ATXN10: variants seen among roughly 807,000 people sequenced by gnomAD.
The protein encoded by ATXN10 is ataxin-10.
In ATXN10, 28 loss-of-function variants were observed where a neutral mutation model predicts 52.9. That is an observed-to-expected ratio of 0.53 (90% CI 0.39 to 0.73). ATXN10 has a LOEUF of 0.73. Among genes scored for constraint, ATXN10 ranks in the 30% least tolerant of loss-of-function variants. ATXN10 has a pLI of 0.00. For missense variants in ATXN10, 565 were observed against 577.0 expected (o/e 0.98, Z 0.21); for synonymous variants, 226 against 221.5 (o/e 1.02, Z -0.18).
chr22:45,687,705 T>A (rs1429401916), intron 1 of ATXN10, among the ~76,000 whole-genome samples: 1 of 152,208 alleles, frequency 6.6e-6, no homozygotes, highest in African/African-American at 2.4e-5. Flanking sequence ...AAACTCCTGG[T>A]TATTTTCTTA....
rs191576467 is a variant in ATXN10, at chr22:45,778,225, C to A, written c.1174-28734C>A. On this transcript the variant is annotated intron_variant, in intron 9 of 11. Transcript: ENST00000252934. The stretch of plus-strand genomic sequence containing the variant: ...GTATGACATTGATCATGTTCTGTAA[C>A]CTCTTTGTACCTTAATTTTTCCCCT... Among the ~76,000 whole-genome samples the A allele has an allele frequency of 4.6e-5, 7 of 152,318 alleles. 1 individual carries two copies. In the East Asian group the frequency reaches 1.4e-3, roughly 29 times the overall value.
chr22:45,720,961 A>C (rs977431838), intron 6 of ATXN10, among the ~76,000 whole-genome samples: 2 of 152,222 alleles, frequency 1.3e-5, no homozygotes, highest in Non-Finnish European at 1.5e-5. Context: ...TGAGCATTAC[A>C]GAGACACAGT....
intron 10 of ATXN10, chr22:45,811,553 G>A (rs911204667): frequency 2.6e-5 from 9 of 347,654 alleles, no homozygotes; most frequent in Non-Finnish European, 5.1e-5. Context: ...ATTAAGTACA[G>A]TTACATGCTA....
chr22:45,794,555 T>C (rs1927641310), intron 9 of ATXN10, among the ~76,000 whole-genome samples: 1 of 152,182 alleles, frequency 6.6e-6, no homozygotes, highest in Non-Finnish European at 1.5e-5. Flanking sequence ...TAATCTTCTC[T>C]GTAGTGTTGT....
intron 2 of ATXN10, among the ~76,000 whole-genome samples, chr22:45,691,857 C>T (rs1473057367): frequency 2.0e-5 from 3 of 152,130 alleles, no homozygotes; most frequent in East Asian, 1.9e-4. Flanking sequence ...TGGGCTACTG[C>T]ACTTCAGCCT....
intron 6 of ATXN10, among the ~76,000 whole-genome samples, chr22:45,720,395 A>G (rs914673695): frequency 6.6e-6 from 1 of 151,940 alleles, no homozygotes; most frequent in Non-Finnish European, 1.5e-5. Flanking sequence ...GCTGCTCTCA[A>G]GTGTGATCGT....
At chr22:45,804,741 G>A (rs768474109) in intron 9 of ATXN10, among the ~76,000 whole-genome samples, 2 of 152,078 alleles carry the variant, frequency 1.3e-5, no homozygotes, top group Non-Finnish European at 2.9e-5. Context: ...TTTAAAAGTA[G>A]ATAAAACACA....
chr22:45,714,195 A>G (rs1924358469), intron 5 of ATXN10, among the ~76,000 whole-genome samples: 1 of 151,126 alleles, frequency 6.6e-6, no homozygotes, highest in African/African-American at 2.4e-5. Context: ...TTTATTTCGT[A>G]TTTTTCTTAT....
chr22:45,793,780 T>C (rs2146868502), intron 9 of ATXN10: 2 of 1,333,162 alleles, frequency 1.5e-6, no homozygotes, highest in Non-Finnish European at 1.9e-6. Context: ...GCAGGACAGG[T>C]AAGCCCCCAA....
Position 45,762,211 on chromosome 22 carries a change from A to G in ATXN10, c.1173+21673A>G, listed in dbSNP as rs1235627162. 2.6e-5 allele frequency among the ~76,000 whole-genome samples: 4 copies of G among 152,118 alleles called. No homozygotes were observed. The highest frequency in any genetic ancestry group is 5.9e-5 in the Non-Finnish European group (4 of 68,020). Reference sequence around the variant, plus strand: ...TGTGCGTTTCCGAGACTGTGTTTCTATTTATTTGCCCTTTGTCTGTTTCCC... The same window carrying G: ...TGTGCGTTTCCGAGACTGTGTTTCTGTTTATTTGCCCTTTGTCTGTTTCCC... On this transcript the variant is annotated intron_variant, in intron 9 of 11. Transcript: ENST00000252934. This position sits in a 1 kb window ranked among gnomAD's most constrained non-coding sequence, Gnocchi z 4.3.
chr22:45,691,747 G>T (rs1168301477), intron 2 of ATXN10, among the ~76,000 whole-genome samples: 1 of 152,188 alleles, frequency 6.6e-6, no homozygotes, highest in African/African-American at 2.4e-5. Flanking sequence ...TAAAAAATTA[G>T]CTGGGTGTGG....
At chr22:45,806,533 C>T (rs1201651292) in intron 9 of ATXN10, among the ~76,000 whole-genome samples, 1 of 152,130 alleles carries the variant, frequency 6.6e-6, no homozygotes, top group Non-Finnish European at 1.5e-5. Flanking sequence ...ATTTTAAAAC[C>T]TTTCCCCTGT....
At chr22:45,704,150 T>G (rs1923948528) in intron 5 of ATXN10, 1 of 151,922 alleles carries the variant, frequency 6.6e-6, no homozygotes, top group South Asian at 2.1e-4. Flanking sequence ...TCCAGTCCAT[T>G]TTCTCTCTTT....
intron 9 of ATXN10, among the ~76,000 whole-genome samples, chr22:45,792,039 A>C (rs999983590): frequency 2.0e-5 from 3 of 152,166 alleles, no homozygotes; most frequent in African/African-American, 7.2e-5. Context: ...ACTTATAAGC[A>C]TTCCAAATGT....
At chr22:45,687,843 G>C (rs1399188296) in intron 1 of ATXN10, among the ~76,000 whole-genome samples, 1 of 152,142 alleles carries the variant, frequency 6.6e-6, no homozygotes, top group Non-Finnish European at 1.5e-5. Context: ...GGCAGATCAC[G>C]AGATCGGGAG....
Position 45,701,956 on chromosome 22 carries a change from CATATT to C in ATXN10, c.489-731_489-727del, listed in dbSNP as rs1332100656. 6.6e-6 allele frequency among the ~76,000 whole-genome samples: 1 copy of C among 152,074 alleles called. No homozygotes were observed. The highest frequency in any genetic ancestry group is 1.5e-5 in the Non-Finnish European group (1 of 68,004). The stretch of plus-strand genomic sequence containing the variant: ...GTATTTTATTTTTTATACCAGAAAA[CATATT>C]AAGAGAGGTTCTTTGCCTTCACTTT... On this transcript the variant is annotated intron_variant, in intron 4 of 11. Coordinates refer to ENST00000252934, the MANE Select transcript of ATXN10 (RefSeq NM_013236.4). This position sits in a 1 kb window ranked among gnomAD's most constrained non-coding sequence, Gnocchi z 4.2.
intron 10 of ATXN10, among the ~76,000 whole-genome samples, chr22:45,838,798 T>C (rs1208362816): frequency 6.6e-6 from 1 of 152,204 alleles, no homozygotes; most frequent in Non-Finnish European, 1.5e-5. Context: ...TATTTTCTAC[T>C]CAAATTTCTT....
chr22:45,788,048 G>A (rs1277254024), intron 9 of ATXN10, among the ~76,000 whole-genome samples: 2 of 152,132 alleles, frequency 1.3e-5, no homozygotes, highest in Non-Finnish European at 2.9e-5. Context: ...AGACCTTTAT[G>A]TCCTGAGCCC....
At chr22:45,731,020 A>G (rs1005819789) in intron 7 of ATXN10, among the ~76,000 whole-genome samples, 4 of 152,312 alleles carry the variant, frequency 2.6e-5, no homozygotes, top group Admixed American at 2.6e-4. Context: ...TAGATCATTC[A>G]GGTCTTGTTT....
Sources: gnomAD v4.1 joint callset for allele counts (sites outside exome capture counted in the v4.1 genomes callset) on GRCh38, gnomAD v4.1.1 for gene constraint, Gnocchi (gnomAD v3.1) non-coding constraint, MANE v1.5 for transcripts, NCBI Gene and HGNC (gene_info 2026-07-23, HGNC 2026-07-21) for gene names.